Variants in SOX5 observed in about 807,000 individuals in gnomAD.
The protein encoded by SOX5 is transcription factor SOX-5.
A neutral mutation model predicts 92.0 loss-of-function variants in SOX5; 9 were observed. The observed-to-expected ratio is 0.10, with a 90% CI of 0.06 to 0.17. The LOEUF is 0.17. SOX5 is among the 10% of genes least tolerant of loss of function. The pLI is 1.00. For missense variants in SOX5, 642 were observed against 944.5 expected (o/e 0.68, Z 4.20); for synonymous variants, 344 against 336.3 (o/e 1.02, Z -0.25).
At chr12:23,625,438 A>T (rs1036208245) in intron 8 of SOX5, among the ~76,000 whole-genome samples, 10 of 152,320 alleles carry the variant, frequency 6.6e-5, no homozygotes, top group African/African-American at 2.4e-4. Flanking sequence ...GAAGGCTTGT[A>T]TCTTCTAATA....
At chr12:24,304,543 C>A (rs1430650161) in intron 2 of SOX5, among the ~76,000 whole-genome samples, 1 of 152,122 alleles carries the variant, frequency 6.6e-6, no homozygotes, top group Admixed American at 6.5e-5. Flanking sequence ...CAGAGGATTG[C>A]AGCTTTGGGA....
chr12:24,472,543 C>G (rs537774555), intron 1 of SOX5, among the ~76,000 whole-genome samples: 6 of 152,130 alleles, frequency 3.9e-5, no homozygotes, highest in Non-Finnish European at 8.8e-5. Context: ...AAAGAATGAG[C>G]CCCTAGATCA....
At chr12:23,680,325 C>CAAAAAAAAAAAAAAAAAAAAAAA (rs57754255) in intron 6 of SOX5, among the ~76,000 whole-genome samples, 1 of 48,390 alleles carries the variant, frequency 2.1e-5, no homozygotes, top group Admixed American at 2.6e-4. Context: ...GACCTTGTCT[C>CAAAAAAAAAAAAAAAAAAAAAAA]AAAAAAAAAA....
intron 9 of SOX5, among the ~76,000 whole-genome samples, chr12:23,577,222 T>C (rs1303406984): frequency 1.6e-5 from 2 of 127,110 alleles, no homozygotes; most frequent in Admixed American, 1.8e-4. Context: ...TGAGATGGAG[T>C]CTTGCTCTGT....
intron 4 of SOX5, among the ~76,000 whole-genome samples, chr12:24,063,792 C>A (rs566060457): frequency 6.6e-6 from 1 of 152,096 alleles, no homozygotes; most frequent in Non-Finnish European, 1.5e-5. Context: ...ATCAGAAGAC[C>A]TAGCTCTGCC....
At chr12:24,357,833 T>A (rs1332230161) in intron 2 of SOX5, among the ~76,000 whole-genome samples, 2 of 124,360 alleles carry the variant, frequency 1.6e-5, no homozygotes, top group Admixed American at 1.0e-4. Context: ...AGAGCGAGAC[T>A]CCATCTCAAA....
intron 3 of SOX5, among the ~76,000 whole-genome samples, chr12:24,214,033 A>G (rs1185257524): frequency 6.6e-6 from 1 of 152,030 alleles, no homozygotes; most frequent in African/African-American, 2.4e-5. Context: ...TGTATGGAAT[A>G]CATATGTGTA....
rs1943632761 is a variant in SOX5 at position 24,461,558 on chromosome 12, T to C, written c.-250-92919A>G. ...CTGAATGGAGGTAAAAACAACAACA[T>C]TGTTACCTGAAGATAACAATAGTCC... On this transcript the variant is annotated intron_variant, in intron 1 of 4. Coordinates refer to the SOX5 transcript ENST00000446891. Among the ~76,000 whole-genome samples, 4 of 152,224 alleles carry C rather than the reference T, an allele frequency of 2.6e-5. No individual in the cohort carries two copies. The South Asian group carries it at 8.3e-4, about 31-fold the overall frequency.
intron 1 of SOX5, among the ~76,000 whole-genome samples, chr12:24,454,141 C>T (rs552178833): frequency 2.7e-4 from 41 of 152,264 alleles, no homozygotes; most frequent in African/African-American, 8.7e-4. Flanking sequence ...AAAAATGCAC[C>T]TGCTTAAGTA....
rs565500989 is a variant in SOX5, at chr12:23,773,762, T to C, written c.482-18038A>G. Among the ~76,000 whole-genome samples the C allele has an allele frequency of 1.3e-3, 194 of 152,038 alleles. 1 individual carries two copies. The highest frequency in any genetic ancestry group is 2.4e-3 in the Non-Finnish European group (160 of 67,970). On this transcript the variant is annotated intron_variant, in intron 3 of 14. Coordinates refer to ENST00000451604, the MANE Select transcript of SOX5 (RefSeq NM_006940.6). ...TTTACATATTTGCAGGTTTTGGAGA[T>C]ACAAAGACACCAGTCAAAAAAATCA...
Position 24,065,329 on chromosome 12 carries a change from T to C in SOX5, c.-2+148014A>G, listed in dbSNP as rs75165312. 6.1e-3 allele frequency among the ~76,000 whole-genome samples: 924 copies of C among 151,966 alleles called. 10 individuals are homozygous for C. Among genetic ancestry groups the C allele is most frequent in the South Asian group, 0.034 (164 of 4,814 alleles). On this transcript the variant is annotated intron_variant, in intron 4 of 4. Coordinates refer to the SOX5 transcript ENST00000446891. ...TCCAGAATATGGAACAGAGTAAAGG[T>C]TGTGGATACAAATACCTCCAAATGA... is the stretch of plus-strand genomic sequence containing the variant.
chr12:23,680,403 G>A (rs1343386534), intron 6 of SOX5, among the ~76,000 whole-genome samples: 2 of 149,880 alleles, frequency 1.3e-5, no homozygotes, highest in East Asian at 3.9e-4. Context: ...AGTTAGACGT[G>A]ATGAGAAATG....
intron 4 of SOX5, among the ~76,000 whole-genome samples, chr12:24,161,359 T>C (rs1392800399): frequency 6.6e-6 from 1 of 152,040 alleles, no homozygotes; most frequent in Non-Finnish European, 1.5e-5. Context: ...AGCTACTATA[T>C]CAAGCAGAAA....
chr12:23,984,823 TAA>T (rs1949911618), intron 4 of SOX5, among the ~76,000 whole-genome samples: 1 of 152,210 alleles, frequency 6.6e-6, no homozygotes, highest in Admixed American at 6.6e-5. Context: ...GTTGCTAAGC[TAA>T]ATATTGAGTA....
intron 1 of SOX5, among the ~76,000 whole-genome samples, chr12:24,379,429 C>G (rs1323813296): frequency 6.6e-6 from 1 of 152,184 alleles, no homozygotes; most frequent in African/African-American, 2.4e-5. Context: ...CACCCTCTAT[C>G]CCCTAGCAAT....
intron 4 of SOX5, among the ~76,000 whole-genome samples, chr12:23,750,147 G>A (rs1443292135): frequency 1.3e-5 from 2 of 151,808 alleles, no homozygotes; most frequent in East Asian, 3.9e-4. Context: ...AAAAACACAG[G>A]CCTTAAAGGC....
At chr12:23,922,127 C>T (rs1402958960) in intron 1 of SOX5, among the ~76,000 whole-genome samples, 1 of 152,104 alleles carries the variant, frequency 6.6e-6, no homozygotes, top group Admixed American at 6.5e-5. Flanking sequence ...CTAGTGTGTT[C>T]GTCCTTTAAA....
chr12:24,435,368 T>A (rs1939212164), intron 1 of SOX5, among the ~76,000 whole-genome samples: 1 of 152,194 alleles, frequency 6.6e-6, no homozygotes, highest in Non-Finnish European at 1.5e-5. Context: ...CATGAGCCAA[T>A]AAAGCTCTTA....
chr12:23,538,514 C>T (rs1260722082), intron 13 of SOX5, among the ~76,000 whole-genome samples: 1 of 152,130 alleles, frequency 6.6e-6, no homozygotes, highest in Non-Finnish European at 1.5e-5. Flanking sequence ...CTTGTTGGCC[C>T]AGCATTATTC....
Sources: allele counts gnomAD v4.1 joint callset (sites outside exome capture counted in the v4.1 genomes callset), GRCh38; gene constraint gnomAD v4.1.1; transcripts MANE v1.5; gene names NCBI Gene and HGNC (gene_info 2026-07-23, HGNC 2026-07-21).